SNX18: variants seen among roughly 807,000 people sequenced by gnomAD.
SNX18 encodes sorting nexin-18.
Under a neutral mutation model 48.7 loss-of-function variants are expected in SNX18, and 35 were observed. The observed-to-expected ratio is 0.72, with a 90% CI of 0.55 to 0.95. The LOEUF (loss-of-function observed/expected upper bound fraction) is 0.95, where lower values mean the gene tolerates loss of function less well. Among genes scored for constraint, SNX18 ranks in the 40% least tolerant of loss-of-function variants. The probability of loss-of-function intolerance (pLI) is 0.00; values close to 1 mark genes in which losing one functional copy is unlikely to be tolerated. For missense variants in SNX18, 824 were observed against 871.0 expected (o/e 0.95, Z 0.68); for synonymous variants, 492 against 384.7 (o/e 1.28, Z -3.26).
At chr5:54,625,079 A>G in the SNX18 span, among the ~76,000 whole-genome samples, 1 of 152,296 alleles carries the variant, frequency 6.6e-6, no homozygotes, top group Non-Finnish European at 1.5e-5. Context: ...GTGGGATGTT[A>G]TAATGAATAT....
the SNX18 span, among the ~76,000 whole-genome samples, chr5:54,646,165 C>CT: frequency 1.3e-5 from 2 of 152,110 alleles, no homozygotes; most frequent in African/African-American, 4.8e-5. Flanking sequence ...CCCAAGAAGA[C>CT]TTTTTTTCTC....
the SNX18 span, among the ~76,000 whole-genome samples, chr5:54,579,734 A>C: frequency 6.6e-6 from 1 of 152,312 alleles, no homozygotes; most frequent in South Asian, 2.1e-4. Flanking sequence ...AGAGAAGCTC[A>C]TCAAGGATGG....
chr5:54,559,185 A>G, the SNX18 span, among the ~76,000 whole-genome samples: 13 of 152,206 alleles, frequency 8.5e-5, no homozygotes, highest in Non-Finnish European at 1.8e-4. Flanking sequence ...TTCCTATTAA[A>G]CTATCAATGA....
chr5:54,533,091 T>C (rs2112849486), intron 1 of SNX18, among the ~76,000 whole-genome samples: 1 of 152,334 alleles, frequency 6.6e-6, no homozygotes, highest in South Asian at 2.1e-4. Flanking sequence ...TGATTTTTTT[T>C]CCATCAAGTG....
At chr5:54,594,625 C>A in the SNX18 span, among the ~76,000 whole-genome samples, 3,151 of 152,254 alleles carry the variant, frequency 0.021, 52 homozygotes, top group Middle Eastern at 0.054. Flanking sequence ...ATGTAAATAG[C>A]CCCCAGTTAA....
the SNX18 span, among the ~76,000 whole-genome samples, chr5:54,606,871 T>C: frequency 6.6e-6 from 1 of 152,180 alleles, no homozygotes; most frequent in Non-Finnish European, 1.5e-5. Flanking sequence ...TGTTATCACC[T>C]GTATAGGTTT....
the SNX18 span, among the ~76,000 whole-genome samples, chr5:54,603,331 C>T: frequency 1.3e-5 from 2 of 151,786 alleles, no homozygotes; most frequent in East Asian, 1.9e-4. Context: ...GGCTCAAATG[C>T]CTGGGCTCAA....
downstream of SNX18, among the ~76,000 whole-genome samples, chr5:54,549,571 C>G (rs781126687): frequency 7.9e-5 from 12 of 152,120 alleles, no homozygotes; most frequent in African/African-American, 1.2e-4. Context: ...GCAAAGGAGC[C>G]CTTGGTCTCC....
In SNX18 at chr5:54,543,483, G is replaced by A; in HGVS notation, c.*51G>A. 2 of 1,584,190 alleles carry A rather than the reference G, an allele frequency of 1.3e-6. No individual in the cohort carries two copies. The highest frequency in any genetic ancestry group is 1.7e-6 in the Non-Finnish European group (2 of 1,164,742). On this transcript the variant is annotated 3_prime_UTR_variant, in exon 2 of 2. Coordinates refer to ENST00000381410, the MANE Select transcript of SNX18 (RefSeq NM_001102575.2). ...TTTCAGTTCAAGGATAATTTCTACA[G>A]CAGAATAAAAACTGCTGTCAAAGAG... is the stretch of plus-strand genomic sequence containing the variant.
chr5:54,612,073 G>A, the SNX18 span, among the ~76,000 whole-genome samples: 2 of 151,966 alleles, frequency 1.3e-5, no homozygotes, highest in East Asian at 1.9e-4. Context: ...TAGAGATGAT[G>A]TCTCACTATA....
chr5:54,518,500 C>T lies in SNX18; in HGVS notation c.548C>T (p.Ser183Phe), dbSNP rs1379827672. 1.9e-6 allele frequency: 3 copies of T among 1,556,678 alleles called. No individual in the cohort carries two copies. Among genetic ancestry groups the T allele is most frequent in the Admixed American group, 3.9e-5 (2 of 51,888 alleles). ...GCATACCCGGACCTCGACGGCTCGT[C>T]TTCGGCGGGTGTGGGCGCAGCCGGC... is the stretch of plus-strand genomic sequence containing the variant. The part of the protein sequence containing the change: ...SGAYPDLDGS[S>F]SAGVGAAGRY... Residue 183 changes from serine (S) to phenylalanine (F), a missense_variant, in exon 1 of 2, where the codon TCT becomes TTT. By Grantham distance (155) the Ser-to-Phe change is radical. Around this residue, in one of 3 missense-constraint regions of SNX18, gnomAD observed 377 missense variants for 350.6 expected, o/e 1.08. Transcript: ENST00000381410.
rs568870859 is a variant in SNX18, at chr5:54,527,439, G to A, written c.1621+7866G>A. Among the ~76,000 whole-genome samples the A allele has an allele frequency of 2.6e-5, 4 of 152,270 alleles. No homozygotes were observed. The South Asian group carries it at 8.3e-4, about 32-fold the overall frequency. On this transcript the variant is annotated intron_variant, in intron 1 of 1. Coordinates refer to ENST00000381410, the MANE Select transcript of SNX18 (RefSeq NM_001102575.2). ...TGAGAGATGGGATTGTGAAGGATGT[G>A]ACATGCAAGAGAAAGGGGAGTCATC...
chr5:54,620,395 C>T, the SNX18 span, among the ~76,000 whole-genome samples: 1 of 152,142 alleles, frequency 6.6e-6, no homozygotes, highest in Non-Finnish European at 1.5e-5. Context: ...ATGCAGTCAG[C>T]CTGAGGTAAT....
At chr5:54,532,292 A>G (rs1242710574) in intron 1 of SNX18, among the ~76,000 whole-genome samples, 2 of 150,262 alleles carry the variant, frequency 1.3e-5, no homozygotes, top group Non-Finnish European at 1.5e-5. Flanking sequence ...CAGCTTGCAA[A>G]CATATCTATT....
chr5:54,575,842 C>G, the SNX18 span, among the ~76,000 whole-genome samples: 5 of 152,260 alleles, frequency 3.3e-5, no homozygotes, highest in South Asian at 1.0e-3. Context: ...ATCCTTCACC[C>G]CCATGTAACC....
At chr5:54,558,595 A>G in the SNX18 span, among the ~76,000 whole-genome samples, 1 of 152,202 alleles carries the variant, frequency 6.6e-6, no homozygotes, top group Admixed American at 6.5e-5. Flanking sequence ...ATGATATCAT[A>G]TAAAAAGTCA....
chr5:54,587,596 CATT>C, the SNX18 span, among the ~76,000 whole-genome samples: 1 of 152,178 alleles, frequency 6.6e-6, no homozygotes, highest in African/African-American at 2.4e-5. Context: ...GGCATGCACT[CATT>C]GTTGGTGCTG....
chr5:54,640,402 A>T, the SNX18 span, among the ~76,000 whole-genome samples: 237 of 47,896 alleles, frequency 4.9e-3, no homozygotes, highest in African/African-American at 0.018. Context: ...TCTTTTTTTT[A>T]AAAAAAAGAT....
the SNX18 span, among the ~76,000 whole-genome samples, chr5:54,638,096 C>G: frequency 6.6e-6 from 1 of 152,162 alleles, no homozygotes; most frequent in African/African-American, 2.4e-5. Flanking sequence ...CCCATCATTC[C>G]TTTTGGAATT....
Sources: allele counts gnomAD v4.1 joint callset (sites outside exome capture counted in the v4.1 genomes callset), GRCh38; gene constraint gnomAD v4.1.1; regional missense constraint gnomAD v4.1.1; transcripts MANE v1.5; gene names NCBI Gene and HGNC (gene_info 2026-07-23, HGNC 2026-07-21).